Variants in SLC25A26 observed in about 807,000 individuals in gnomAD.
The protein encoded by SLC25A26 is solute carrier family 25 member 26, also known as mitochondrial S-adenosylmethionine carrier protein.
SLC25A26 carries 36 observed loss-of-function variants against 37.8 expected under a neutral mutation model. The ratio of observed to expected loss-of-function variants is 0.95; its 90% CI spans 0.73 to 1.26. The LOEUF (loss-of-function observed/expected upper bound fraction) is 1.26, where lower values mean the gene tolerates loss of function less well. SLC25A26 is among the 50% of genes most tolerant of loss of function. The probability of loss-of-function intolerance (pLI) is 0.00; values close to 1 mark genes in which losing one functional copy is unlikely to be tolerated. For synonymous variants in SLC25A26, 129 were observed against 122.5 expected (o/e 1.05, Z -0.35); for missense variants, 390 against 331.1 (o/e 1.18, Z -1.38).
intron 1 of SLC25A26, among the ~76,000 whole-genome samples, chr3:66,135,377 C>T (rs983848010): frequency 3.9e-5 from 6 of 152,142 alleles, no homozygotes; most frequent in Non-Finnish European, 8.8e-5. Context: ...GAATTTGAAG[C>T]GGCCTTAAAG....
At chr3:66,336,621 G>C (rs984711243) in intron 5 of SLC25A26, among the ~76,000 whole-genome samples, 1 of 152,140 alleles carries the variant, frequency 6.6e-6, no homozygotes, top group South Asian at 2.1e-4. Context: ...TTTCTTAAAG[G>C]ACTGAAGTCA....
At position 66,377,710 on chromosome 3, in the gene SLC25A26, C is replaced by G; in HGVS notation, c.728C>G (p.Pro243Arg). Residue 243 changes from proline (P) to arginine (R), a missense_variant, in exon 10 of 10, where the codon CCT (proline) becomes CGT (arginine). Pro to Arg is a moderately radical substitution (Grantham distance 103). Coordinates refer to ENST00000354883, the MANE Select transcript of SLC25A26 (RefSeq NM_001379210.1). ...GLAGLFAGVF[P>R]RMAAISLGGF... The stretch of plus-strand genomic sequence containing the variant: ...CCTAGATTATTTGCAGGTGTCTTCC[C>G]TCGAATGGCAGCCATCAGTCTGGGA... 2 of 1,613,680 alleles carry G rather than the reference C, an allele frequency of 1.2e-6. No homozygotes were observed. The highest frequency in any genetic ancestry group is 1.7e-6 in the Non-Finnish European group (2 of 1,179,762).
chr3:66,192,002 G>C (rs1362271570), intron 1 of SLC25A26, among the ~76,000 whole-genome samples: 1 of 151,704 alleles, frequency 6.6e-6, no homozygotes, highest in East Asian at 2.0e-4. Flanking sequence ...TTCCTGAATG[G>C]GTTTAGTGCC....
intron 3 of SLC25A26, among the ~76,000 whole-genome samples, chr3:66,249,331 C>G (rs1163364032): frequency 6.6e-6 from 1 of 152,192 alleles, no homozygotes; most frequent in African/African-American, 2.4e-5. Flanking sequence ...GTACCACAGT[C>G]CATTCCAGGG....
intron 1 of SLC25A26, among the ~76,000 whole-genome samples, chr3:66,178,891 T>C (rs2070640975): frequency 6.6e-6 from 1 of 152,184 alleles, no homozygotes. Flanking sequence ...CACAAAGCAA[T>C]ATCTTACGTT....
intron 1 of SLC25A26, among the ~76,000 whole-genome samples, chr3:66,148,714 C>T (rs1014723037): frequency 4.6e-5 from 7 of 152,172 alleles, no homozygotes; most frequent in Non-Finnish European, 7.3e-5. Context: ...CCTTCATTTT[C>T]TTCTTCCTGG....
At chr3:66,175,477 G>C (rs1053741336) in intron 1 of SLC25A26, among the ~76,000 whole-genome samples, 1 of 151,972 alleles carries the variant, frequency 6.6e-6, no homozygotes, top group Non-Finnish European at 1.5e-5. Context: ...CACCCGCCTC[G>C]GCCTCCCAAA....
chr3:66,186,801 ATG>A (rs2070837204), intron 1 of SLC25A26, among the ~76,000 whole-genome samples: 2 of 151,704 alleles, frequency 1.3e-5, no homozygotes, highest in East Asian at 2.0e-4. Context: ...GAGTCTCACC[ATG>A]GCCCTGAGCC....
chr3:66,240,363 C>G (rs1576688853), intron 2 of SLC25A26, among the ~76,000 whole-genome samples: 1 of 152,154 alleles, frequency 6.6e-6, no homozygotes, highest in East Asian at 1.9e-4. Flanking sequence ...GACGTTGGCC[C>G]ACTGCAACCT....
intron 3 of SLC25A26, among the ~76,000 whole-genome samples, chr3:66,244,393 A>G (rs2072727979): frequency 6.6e-6 from 1 of 152,234 alleles, no homozygotes; most frequent in Admixed American, 6.5e-5. Context: ...GGAGATAGTC[A>G]CATCTCTCTC....
chr3:66,259,333 C>A lies in SLC25A26; in HGVS notation c.301-2718C>A, dbSNP rs948190823. The stretch of plus-strand genomic sequence containing the variant: ...CGATCACCTGTATGCTGATGACTTC[C>A]ATATCTGTATTCACATCCAAGAAAA... On this transcript the variant is annotated intron_variant, in intron 3 of 9. Coordinates refer to ENST00000354883, the MANE Select transcript of SLC25A26 (RefSeq NM_001379210.1). Among the ~76,000 whole-genome samples, 44 of 152,252 alleles carry A rather than the reference C, an allele frequency of 2.9e-4. 1 individual carries two copies. The highest frequency in any genetic ancestry group is 9.9e-4 in the African/African-American group (41 of 41,530).
At chr3:66,210,896 A>G (rs995995987) in intron 1 of SLC25A26, among the ~76,000 whole-genome samples, 13 of 152,230 alleles carry the variant, frequency 8.5e-5, no homozygotes, top group Non-Finnish European at 1.5e-5. Flanking sequence ...TATGAAGGTG[A>G]GGCAACAGTC....
At chr3:66,260,408 G>A (rs2073478967) in intron 3 of SLC25A26, among the ~76,000 whole-genome samples, 1 of 152,148 alleles carries the variant, frequency 6.6e-6, no homozygotes, top group Non-Finnish European at 1.5e-5. Flanking sequence ...TACATAAGAA[G>A]CATTCAAATG....
intron 5 of SLC25A26, among the ~76,000 whole-genome samples, chr3:66,270,535 G>A (rs1401731776): frequency 2.0e-5 from 3 of 152,160 alleles, no homozygotes; most frequent in Non-Finnish European, 2.9e-5. Flanking sequence ...TTCAGTAAAT[G>A]TGTAATGAGA....
intron 7 of SLC25A26, among the ~76,000 whole-genome samples, chr3:66,366,003 G>C (rs2076816635): frequency 6.6e-6 from 1 of 152,194 alleles, no homozygotes; most frequent in Non-Finnish European, 1.5e-5. Context: ...TGGCTACTTT[G>C]TCTTTATGGG....
intron 5 of SLC25A26, among the ~76,000 whole-genome samples, chr3:66,267,775 G>C (rs1186561467): frequency 1.3e-5 from 2 of 152,248 alleles, no homozygotes; most frequent in East Asian, 3.9e-4. Context: ...CCAGTCTTTA[G>C]GTGCAAAAAT....
intron 1 of SLC25A26, among the ~76,000 whole-genome samples, chr3:66,224,188 A>G (rs2071631355): frequency 6.6e-6 from 1 of 152,260 alleles, no homozygotes; most frequent in Admixed American, 6.5e-5. Context: ...CCAGATTGAA[A>G]TACTCCAAAA....
intron 1 of SLC25A26, among the ~76,000 whole-genome samples, chr3:66,213,552 C>T (rs990604566): frequency 6.6e-6 from 1 of 151,830 alleles, no homozygotes; most frequent in Admixed American, 6.6e-5. Flanking sequence ...TGCCCCCATA[C>T]ATGCACAGCC....
rs1471726749 is a variant in SLC25A26, at chr3:66,374,468, CCT to C, written c.708-3212_708-3211del. On this transcript the variant is annotated intron_variant, in intron 9 of 9. Transcript: ENST00000354883. ...GGGCTGTGTCTCCAACCAGCCATTC[CCT>C]CTCTCTCTCCCTTAGGCCTCTATTC... 3.3e-5 allele frequency among the ~76,000 whole-genome samples: 5 copies of C among 152,192 alleles called. No homozygotes were observed. The South Asian group carries it at 8.3e-4, about 25-fold the overall frequency.
Sources: allele counts gnomAD v4.1 joint callset (sites outside exome capture counted in the v4.1 genomes callset), GRCh38; gene constraint gnomAD v4.1.1; transcripts MANE v1.5; gene names NCBI Gene and HGNC (gene_info 2026-07-23, HGNC 2026-07-21).